UNC5C: variants seen among roughly 807,000 people sequenced by gnomAD.
UNC5C encodes the protein unc-5 netrin receptor C, also known as netrin receptor UNC5C.
In UNC5C, 47 loss-of-function variants were observed where a neutral mutation model predicts 99.8. The observed-to-expected ratio is 0.47, with a 90% CI of 0.37 to 0.60. The LOEUF is 0.60. UNC5C is among the 20% of genes least tolerant of loss of function. The pLI is 0.00. For missense variants in UNC5C, 1,062 were observed against 1,165.9 expected, an observed-to-expected ratio of 0.91 and a Z score of 1.30; for synonymous variants, 487 against 452.2, an observed-to-expected ratio of 1.08 and a Z score of -0.98.
intron 1 of UNC5C, among the ~76,000 whole-genome samples, chr4:95,541,571 T>C (rs571784455): frequency 1.3e-5 from 2 of 152,302 alleles, no homozygotes; most frequent in African/African-American, 4.8e-5. Context: ...ATTTTATGAA[T>C]TAATTTAAAA....
chr4:95,339,881 C>T (rs2865445), intron 1 of UNC5C, among the ~76,000 whole-genome samples: 60,447 of 150,744 alleles, frequency 0.4, 13,663 homozygotes, highest in East Asian at 0.84. Flanking sequence ...ATTAACTTAA[C>T]GCATTTTTGA....
chr4:95,372,803 G>C (rs1410306712), intron 1 of UNC5C, among the ~76,000 whole-genome samples: 1 of 152,182 alleles, frequency 6.6e-6, no homozygotes, highest in Non-Finnish European at 1.5e-5. Flanking sequence ...AAGGTACTGA[G>C]ACATCATTCT....
At chr4:95,344,713 G>A (rs1402688455) in intron 1 of UNC5C, among the ~76,000 whole-genome samples, 1 of 152,070 alleles carries the variant, frequency 6.6e-6, no homozygotes, top group Non-Finnish European at 1.5e-5. Context: ...AAGTTAAAGT[G>A]TAGAGTTTTT....
Position 95,437,023 on chromosome 4 carries a change from T to G in UNC5C, c.125-101392A>C, listed in dbSNP as rs150887637. ...AAAAAAAAAAAAAAACAGAGACATA[T>G]AAAACAGCAGGTCTGCAACTTTCTC... On this transcript the variant is annotated intron_variant, in intron 1 of 15. Coordinates refer to ENST00000453304, the MANE Select transcript of UNC5C (RefSeq NM_003728.4). 6.1e-3 allele frequency among the ~76,000 whole-genome samples: 774 copies of G among 127,550 alleles called. 2 individuals are homozygous for G. Among genetic ancestry groups the G allele is most frequent in the Non-Finnish European group, 6.8e-3 (413 of 60,564 alleles). 83.7% of individuals were successfully genotyped at this position (127,550 alleles called of 152,430 possible). A position where few individuals can be genotyped will look rare whatever the true frequency, so the allele number is the denominator to read the frequency against.
intron 1 of UNC5C, among the ~76,000 whole-genome samples, chr4:95,464,956 G>A (rs947160645): frequency 1.3e-5 from 2 of 152,238 alleles, no homozygotes; most frequent in African/African-American, 4.8e-5. Context: ...AATAAAATAC[G>A]ACAAGTGGGT....
At chr4:95,208,311 A>C (rs1737952606) in intron 10 of UNC5C, among the ~76,000 whole-genome samples, 1 of 152,204 alleles carries the variant, frequency 6.6e-6, no homozygotes, top group Non-Finnish European at 1.5e-5. Context: ...TTATAAAATG[A>C]AGCAGTGAAG....
At chr4:95,190,615 GC>G (rs1032823242) in intron 12 of UNC5C, among the ~76,000 whole-genome samples, 7 of 152,042 alleles carry the variant, frequency 4.6e-5, no homozygotes, top group Non-Finnish European at 7.4e-5. Context: ...ACTGCGCCCA[GC>G]CCCCCTTGTA....
intron 4 of UNC5C, among the ~76,000 whole-genome samples, chr4:95,267,495 T>G (rs1444147265): frequency 6.6e-6 from 1 of 152,214 alleles, no homozygotes; most frequent in African/African-American, 2.4e-5. Flanking sequence ...TAAGAAAGGA[T>G]GATGTTGCAC....
At chr4:95,354,545 T>C (rs562338281) in intron 1 of UNC5C, among the ~76,000 whole-genome samples, 19 of 148,340 alleles carry the variant, frequency 1.3e-4, no homozygotes, top group Non-Finnish European at 2.1e-4. Context: ...AGTGGTGCAA[T>C]AATGGCTCAC....
At chr4:95,333,437 T>C (rs1579333331) in intron 2 of UNC5C, among the ~76,000 whole-genome samples, 1 of 152,152 alleles carries the variant, frequency 6.6e-6, no homozygotes, top group East Asian at 1.9e-4. Context: ...TGGATGAAAT[T>C]GGAAATCATC....
Position 95,334,061 on chromosome 4 carries a change from A to C in UNC5C, c.346+1349T>G, listed in dbSNP as rs145737713. ...GCATTCAGTGAGCATATTGATTCACAAATTGACAAGCAATTATGTAGAGTT... is the reference window on the plus strand; with the variant it reads ...GCATTCAGTGAGCATATTGATTCACCAATTGACAAGCAATTATGTAGAGTT... On this transcript the variant is annotated intron_variant, in intron 2 of 15. Transcript: ENST00000453304. Among the ~76,000 whole-genome samples the C allele has an allele frequency of 1.2e-3, 190 of 152,164 alleles. 1 individual carries two copies. The highest frequency in any genetic ancestry group is 4.4e-3 in the African/African-American group (181 of 41,556).
At chr4:95,278,506 A>C in intron 3 of UNC5C, 144 bp from the exon 4 acceptor site, 1 of 641,414 alleles carries the variant, frequency 1.6e-6, no homozygotes, top group Non-Finnish European at 2.7e-6. Flanking sequence ...ACAGGGTCTC[A>C]CTCTGTGTCC....
At chr4:95,521,699 A>G (rs1722363119) in intron 1 of UNC5C, among the ~76,000 whole-genome samples, 1 of 152,182 alleles carries the variant, frequency 6.6e-6, no homozygotes, top group African/African-American at 2.4e-5. Flanking sequence ...CATCCATTGG[A>G]AAAATGTGAG....
chr4:95,468,821 G>A (rs1212516313), intron 1 of UNC5C, among the ~76,000 whole-genome samples: 1 of 152,044 alleles, frequency 6.6e-6, no homozygotes, highest in Non-Finnish European at 1.5e-5. Flanking sequence ...GAACTTATGG[G>A]GTTCTGGGTG....
intron 14 of UNC5C, among the ~76,000 whole-genome samples, chr4:95,178,243 A>ATAGT (rs1156263820): frequency 3.3e-5 from 5 of 152,264 alleles, no homozygotes; most frequent in African/African-American, 1.2e-4. Context: ...TGCACCTCTA[A>ATAGT]TAGTTATTCT....
chr4:95,347,115 C>A (rs938672241), intron 1 of UNC5C, among the ~76,000 whole-genome samples: 1 of 151,930 alleles, frequency 6.6e-6, no homozygotes, highest in Non-Finnish European at 1.5e-5. Context: ...TTTCTATATG[C>A]CAACAGCAAA....
chr4:95,410,106 T>C (rs1417017718), intron 1 of UNC5C, among the ~76,000 whole-genome samples: 1 of 152,178 alleles, frequency 6.6e-6, no homozygotes, highest in African/African-American at 2.4e-5. Flanking sequence ...GTTAGTACCT[T>C]ACTATGTATT....
intron 12 of UNC5C, among the ~76,000 whole-genome samples, chr4:95,187,806 C>T (rs1736896198): frequency 6.6e-6 from 1 of 152,282 alleles, no homozygotes; most frequent in African/African-American, 2.4e-5. Flanking sequence ...GCCATTTCTC[C>T]ATCACCCAGG....
chr4:95,358,159 T>G (rs1170291077), intron 1 of UNC5C, among the ~76,000 whole-genome samples: 2 of 152,160 alleles, frequency 1.3e-5, no homozygotes, highest in African/African-American at 2.4e-5. Flanking sequence ...GTACCAAAAT[T>G]TTGGCAGGTG....
Sources: gnomAD v4.1 joint callset for allele counts (sites outside exome capture counted in the v4.1 genomes callset) on GRCh38, gnomAD v4.1.1 for gene constraint, MANE v1.5 for transcripts, NCBI Gene and HGNC (gene_info 2026-07-23, HGNC 2026-07-21) for gene names.